ADGRV1: variants seen among roughly 807,000 people sequenced by gnomAD.
ADGRV1 encodes the protein G-protein coupled receptor 98.
ADGRV1 carries 359 observed loss-of-function variants against 596.2 expected under a neutral mutation model. The observed-to-expected ratio is 0.60, with a 90% CI of 0.55 to 0.66. ADGRV1 has a LOEUF of 0.66. Ranked by LOEUF, ADGRV1 falls within the 30% of genes least tolerant of loss-of-function variation. The pLI is 0.00. For missense variants in ADGRV1, 7,274 were observed against 7,575.6 expected (o/e 0.96, Z 1.48); for synonymous variants, 2,681 against 2,679.2 (o/e 1.00, Z -0.02).
At chr5:90,679,724 G>T (rs948914128) in intron 26 of ADGRV1, 95 bp downstream of exon 26, 7 of 697,632 alleles carry the variant, frequency 1.0e-5, no homozygotes, top group Non-Finnish European at 1.7e-5. Flanking sequence ...CACCTACTAT[G>T]TGTAGGTCCT....
Position 90,684,140 on chromosome 5 carries a change from T to G in ADGRV1, c.6219T>G (p.Ser2073=), listed in dbSNP as rs755695021. ...ATGATGAGCCAGAAAGGTCCGAATC[T>G]GTCTTTATCGAACTACTCAACTCTA... The part of the protein sequence containing the change: ...LDDDEPERSE[S]VFIELLNSTL... Residue 2073 remains serine, a synonymous_variant, in exon 28 of 90, where the codon TCT becomes TCG. Transcript: ENST00000405460. 5.0e-6 allele frequency: 8 copies of G among 1,613,852 alleles called. No individual in the cohort carries two copies. The South Asian group carries it at 8.8e-5, about 18-fold the overall frequency.
Position 91,150,166 on chromosome 5 carries a change from C to A in ADGRV1, c.18569C>A (p.Pro6190His). 1 of 1,595,906 alleles carries A rather than the reference C, an allele frequency of 6.3e-7. No homozygotes were observed. Among genetic ancestry groups the A allele is most frequent in the Non-Finnish European group, 8.5e-7 (1 of 1,172,282 alleles). ...AFFTPGSGMP[P>H]AGGEISKSTQ... is the part of the protein sequence containing the mutation. ...TTCACGCCCGGGAGTGGAATGCCTC[C>A]TGCTGGAGGGGAAATCAGCAAGTCC... is the stretch of plus-strand genomic sequence containing the variant. Residue 6190 changes from proline (P) to histidine (H), a missense_variant, in exon 88 of 90, where the codon CCT (proline) becomes CAT (histidine). Pro to His is a moderately conservative substitution (Grantham distance 77). Transcript: ENST00000405460.
intron 11 of ADGRV1, among the ~76,000 whole-genome samples, chr5:90,640,441 C>G (rs1766821381): frequency 6.6e-6 from 1 of 151,810 alleles, no homozygotes; most frequent in Non-Finnish European, 1.5e-5. Flanking sequence ...TTTTTTAAAT[C>G]TAATTAAAGC....
At chr5:90,730,159 C>T (rs138468636) in intron 50 of ADGRV1, among the ~76,000 whole-genome samples, 12 of 152,316 alleles carry the variant, frequency 7.9e-5, no homozygotes, top group Admixed American at 7.8e-4. Flanking sequence ...GCCCAGCCGA[C>T]TCTGGGTATT....
chr5:90,848,604 A>T, intron 78 of ADGRV1, 33 bp from the exon 79 acceptor site: 1 of 1,227,000 alleles, frequency 8.1e-7, no homozygotes, highest in Non-Finnish European at 1.1e-6. Flanking sequence ...TTATTTTTAT[A>T]GATATATTTT....
At chr5:91,132,368 G>A (rs958599795) in intron 87 of ADGRV1, among the ~76,000 whole-genome samples, 1 of 151,920 alleles carries the variant, frequency 6.6e-6, no homozygotes, top group Non-Finnish European at 1.5e-5. Context: ...CACATTTTAG[G>A]TATTTCTGAA....
intron 83 of ADGRV1, among the ~76,000 whole-genome samples, chr5:90,955,499 C>T (rs1049035259): frequency 2.0e-5 from 3 of 152,062 alleles, no homozygotes; most frequent in Non-Finnish European, 4.4e-5. Context: ...AATAACAGAA[C>T]CTTGGCTCTG....
At chr5:90,904,501 C>G (rs1368952025) in intron 83 of ADGRV1, among the ~76,000 whole-genome samples, 1 of 152,070 alleles carries the variant, frequency 6.6e-6, no homozygotes, top group Admixed American at 6.6e-5. Flanking sequence ...ATTTGCATTT[C>G]TCTGGTGATC....
At position 91,085,271 on chromosome 5, in the gene ADGRV1, A is replaced by G. The variant is rs1370935706; in HGVS notation, c.18310+12667A>G. 3.3e-5 allele frequency among the ~76,000 whole-genome samples: 5 copies of G among 152,280 alleles called. 1 individual carries two copies. Among genetic ancestry groups the G allele is most frequent in the African/African-American group, 1.2e-4 (5 of 41,554 alleles). On this transcript the variant is annotated intron_variant, in intron 86 of 89. Transcript: ENST00000405460. ...GTATACACACATATATATAGAAAAA[A>G]GGAAATTTTGCCAATCACCAACCCA... is the stretch of plus-strand genomic sequence containing the variant.
intron 57 of ADGRV1, 52 bp downstream of exon 57, chr5:90,757,213 T>G (rs1176531360): frequency 2.0e-6 from 3 of 1,469,724 alleles, no homozygotes; most frequent in Non-Finnish European, 2.8e-6. Context: ...TCAGACATTT[T>G]GTAGGCATCC....
intron 83 of ADGRV1, among the ~76,000 whole-genome samples, chr5:90,865,955 T>C (rs1362838596): frequency 1.3e-5 from 2 of 152,136 alleles, no homozygotes; most frequent in Non-Finnish European, 2.9e-5. Context: ...TATATTGTCA[T>C]TTTTGGAGGT....
At chr5:90,569,383 ATATATTTTTTTTT>A (rs1199870029) in intron 1 of ADGRV1, among the ~76,000 whole-genome samples, 20 of 17,414 alleles carry the variant, frequency 1.1e-3, no homozygotes, top group African/African-American at 5.1e-3. Context: ...ATATATATAT[ATATATTTTTTTTT>A]TTTTTTTTTT....
At chr5:90,654,016 T>G in intron 20 of ADGRV1, 64 bp downstream of exon 20, 4 of 1,507,842 alleles carry the variant, frequency 2.7e-6, no homozygotes, top group Non-Finnish European at 3.6e-6. Context: ...TCATTAAAAT[T>G]TAGATTTTTA....
rs752547156 is a variant in ADGRV1 at position 90,853,547 on chromosome 5, C to T, written c.17454+14C>T. The T allele has an allele frequency of 6.2e-7, 1 of 1,602,700 alleles. No individual in the cohort carries two copies. Among genetic ancestry groups the T allele is most frequent in the Non-Finnish European group, 8.5e-7 (1 of 1,173,154 alleles). ...CTAAAAAATAAGGTAATCTTTCATT[C>T]AAAACACTTATGTGGTTGGAATCTG... On this transcript the variant is annotated intron_variant, in intron 80 of 89. Coordinates refer to ENST00000405460, the MANE Select transcript of ADGRV1 (RefSeq NM_032119.4).
chr5:90,678,401 C>T (rs528636383), intron 25 of ADGRV1, among the ~76,000 whole-genome samples: 1 of 151,740 alleles, frequency 6.6e-6, no homozygotes, highest in South Asian at 2.1e-4. Context: ...AAAGGTATAA[C>T]CACTTTCTCT....
At chr5:90,853,917 G>A (rs1373157038) in intron 80 of ADGRV1, 145 bp from the exon 81 acceptor site, 1 of 650,498 alleles carries the variant, frequency 1.5e-6, no homozygotes, top group African/African-American at 1.8e-5. Context: ...CAGATGTCCT[G>A]CATGCATAAG....
At chr5:90,681,616 CA>C (rs1744942724) in intron 27 of ADGRV1, among the ~76,000 whole-genome samples, 162 bp downstream of exon 27, 1 of 152,140 alleles carries the variant, frequency 6.6e-6, no homozygotes, top group African/African-American at 2.4e-5. Flanking sequence ...AGTCGTTTGG[CA>C]TTTATTTTTG....
At chr5:91,125,175 C>CTCAG (rs1274600285) in intron 87 of ADGRV1, among the ~76,000 whole-genome samples, 5 of 152,322 alleles carry the variant, frequency 3.3e-5, no homozygotes, top group Admixed American at 2.6e-4. Context: ...ATTCTCAACA[C>CTCAG]TCAGGACTTG....
At chr5:90,714,822 G>A (rs1201407978) in intron 42 of ADGRV1, among the ~76,000 whole-genome samples, 1 of 151,628 alleles carries the variant, frequency 6.6e-6, no homozygotes, top group African/African-American at 2.4e-5. Flanking sequence ...CTATTTATGT[G>A]CTAATAGCAT....
Sources: gnomAD v4.1 joint callset for allele counts (sites outside exome capture counted in the v4.1 genomes callset) on GRCh38, gnomAD v4.1.1 for gene constraint, MANE v1.5 for transcripts, NCBI Gene and HGNC (gene_info 2026-07-23, HGNC 2026-07-21) for gene names.